Variants in RALYL observed in about 807,000 individuals in gnomAD.
RALYL encodes RNA-binding Raly-like protein.
Under a neutral mutation model 35.1 loss-of-function variants are expected in RALYL, and 29 were observed. That is an observed-to-expected ratio of 0.83 (90% CI 0.61 to 1.13). The LOEUF is 1.13. RALYL is among the 50% of genes most tolerant of loss of function. The probability of loss-of-function intolerance (pLI) is 0.00; values close to 1 mark genes in which losing one functional copy is unlikely to be tolerated. For missense variants in RALYL, 359 were observed against 360.4 expected (o/e 1.00, Z 0.03); for synonymous variants, 120 against 127.6 (o/e 0.94, Z 0.40).
intron 1 of RALYL, among the ~76,000 whole-genome samples, chr8:84,195,805 G>T (rs755514432): frequency 6.6e-6 from 1 of 152,124 alleles, no homozygotes; most frequent in African/African-American, 2.4e-5. Flanking sequence ...AAGATTTAGA[G>T]CAAATTGTCT....
chr8:84,874,409 G>A (rs1454223897), intron 7 of RALYL, among the ~76,000 whole-genome samples: 1 of 152,088 alleles, frequency 6.6e-6, no homozygotes, highest in African/African-American at 2.4e-5. Context: ...GATAGACCTC[G>A]GTCTCAAACT....
chr8:84,645,977 T>A (rs1445777587), intron 2 of RALYL, among the ~76,000 whole-genome samples: 2 of 152,020 alleles, frequency 1.3e-5, no homozygotes, highest in Non-Finnish European at 2.9e-5. Flanking sequence ...CCAGTTCAAT[T>A]TTCCTTAATA....
At chr8:84,452,234 T>TA (rs369656953) in intron 1 of RALYL, among the ~76,000 whole-genome samples, 5,903 of 62,558 alleles carry the variant, frequency 0.094, 232 homozygotes, top group African/African-American at 0.19. Flanking sequence ...TTGATACTAC[T>TA]TTTTTTTTTT....
chr8:84,519,719 T>C (rs2058319690), intron 1 of RALYL, among the ~76,000 whole-genome samples: 1 of 152,226 alleles, frequency 6.6e-6, no homozygotes, highest in Non-Finnish European at 1.5e-5. Flanking sequence ...GGAACCCCTT[T>C]TAGCAATGTC....
chr8:84,777,717 G>C (rs1307243956), intron 3 of RALYL, among the ~76,000 whole-genome samples: 1 of 152,090 alleles, frequency 6.6e-6, no homozygotes. Context: ...TCTCAGCTCA[G>C]TGCAAGCTCC....
At chr8:84,494,798 C>G (rs895407468) in intron 1 of RALYL, among the ~76,000 whole-genome samples, 6 of 152,000 alleles carry the variant, frequency 3.9e-5, no homozygotes, top group Non-Finnish European at 8.8e-5. Context: ...AGTTTTGGGG[C>G]TAAGATGATG....
intron 2 of RALYL, among the ~76,000 whole-genome samples, chr8:84,770,712 A>AT (rs961724034): frequency 1.3e-5 from 2 of 151,856 alleles, no homozygotes; most frequent in African/African-American, 2.4e-5. Flanking sequence ...AACATTCATT[A>AT]TTTTTTGATT....
intron 1 of RALYL, among the ~76,000 whole-genome samples, chr8:84,395,081 C>A (rs2131856104): frequency 6.6e-6 from 1 of 151,886 alleles, no homozygotes; most frequent in Admixed American, 6.6e-5. Context: ...ATTACCATAA[C>A]TCATAGACAA....
intron 1 of RALYL, among the ~76,000 whole-genome samples, chr8:84,521,832 A>T (rs771050126): frequency 1.3e-5 from 2 of 152,126 alleles, no homozygotes; most frequent in Non-Finnish European, 2.9e-5. Context: ...ATCTACAATT[A>T]TATATTTATT....
chr8:84,738,105 C>T (rs2132999620), intron 2 of RALYL, among the ~76,000 whole-genome samples: 1 of 152,026 alleles, frequency 6.6e-6, no homozygotes, highest in African/African-American at 2.4e-5. Flanking sequence ...CAATGATTGT[C>T]TAAGTTCTGT....
intron 5 of RALYL, among the ~76,000 whole-genome samples, chr8:84,856,184 G>A (rs974154940): frequency 6.6e-6 from 1 of 152,162 alleles, no homozygotes; most frequent in Non-Finnish European, 1.5e-5. Context: ...TGAATTTCAG[G>A]ACTAGATGCA....
intron 2 of RALYL, among the ~76,000 whole-genome samples, chr8:84,655,518 G>A (rs768974257): frequency 3.9e-5 from 6 of 151,956 alleles, no homozygotes; most frequent in East Asian, 1.9e-4. Context: ...TAGTAGAGAC[G>A]GGGTTTTGCC....
At chr8:84,339,220 G>A (rs1451187049) in intron 1 of RALYL, among the ~76,000 whole-genome samples, 1 of 151,838 alleles carries the variant, frequency 6.6e-6, no homozygotes, top group Admixed American at 6.6e-5. Context: ...CTAGAACAGG[G>A]GTCCACAATG....
At chr8:84,667,784 C>T (rs780527613) in intron 2 of RALYL, among the ~76,000 whole-genome samples, 1 of 151,700 alleles carries the variant, frequency 6.6e-6, no homozygotes, top group African/African-American at 2.4e-5. Context: ...TATCTTATAC[C>T]ATTCCTGATC....
intron 2 of RALYL, among the ~76,000 whole-genome samples, chr8:84,578,387 A>G (rs1486137372): frequency 6.6e-6 from 1 of 152,144 alleles, no homozygotes; most frequent in Non-Finnish European, 1.5e-5. Flanking sequence ...TGGGCTCCCA[A>G]AGGGCTGCAG....
chr8:84,373,522 T>G (rs1369981478), intron 1 of RALYL, among the ~76,000 whole-genome samples: 1 of 152,026 alleles, frequency 6.6e-6, no homozygotes, highest in Non-Finnish European at 1.5e-5. Context: ...GAAGAGCAGA[T>G]AGTTCTAAGT....
At chr8:84,320,756 G>T (rs1418293356) in intron 1 of RALYL, among the ~76,000 whole-genome samples, 3 of 151,768 alleles carry the variant, frequency 2.0e-5, no homozygotes, top group African/African-American at 7.3e-5. Context: ...AATTTTTCTG[G>T]TTCATGCAAA....
At chr8:84,278,681 G>T (rs1835913431) in intron 1 of RALYL, among the ~76,000 whole-genome samples, 1 of 152,164 alleles carries the variant, frequency 6.6e-6, no homozygotes, top group East Asian at 1.9e-4. Context: ...GCAAAATGCT[G>T]CCAGTCCCTT....
At chr8:84,879,498 G>A (rs2135335167) in intron 7 of RALYL, among the ~76,000 whole-genome samples, 1 of 152,164 alleles carries the variant, frequency 6.6e-6, no homozygotes, top group South Asian at 2.1e-4. Flanking sequence ...GGAAGTGAAT[G>A]GGGATTATAG....
Sources: gnomAD v4.1 joint callset for allele counts (sites outside exome capture counted in the v4.1 genomes callset) on GRCh38, gnomAD v4.1.1 for gene constraint, MANE v1.5 for transcripts, NCBI Gene and HGNC (gene_info 2026-07-23, HGNC 2026-07-21) for gene names.